The following EYA4 variants were observed in gnomAD, a reference collection of about 807,000 sequenced individuals.
The protein encoded by EYA4 is protein phosphatase EYA4.
In EYA4, 31 loss-of-function variants were observed where a neutral mutation model predicts 87.9. That is an observed-to-expected ratio of 0.35 (90% CI 0.27 to 0.48). EYA4 has a LOEUF of 0.48. Ranked by LOEUF, EYA4 falls within the 20% of genes least tolerant of loss-of-function variation. The probability of loss-of-function intolerance (pLI) is 0.99; values close to 1 mark genes in which losing one functional copy is unlikely to be tolerated. For missense variants in EYA4, 678 were observed against 761.4 expected (o/e 0.89, Z 1.29); for synonymous variants, 263 against 270.6 (o/e 0.97, Z 0.28).
chr6:133,246,005 C>G (rs1286789298), intron 1 of EYA4, among the ~76,000 whole-genome samples: 1 of 152,196 alleles, frequency 6.6e-6, no homozygotes, highest in Non-Finnish European at 1.5e-5. Flanking sequence ...TCTTACTCCC[C>G]TAACCCCTTT....
intron 3 of EYA4, among the ~76,000 whole-genome samples, chr6:133,400,547 C>T (rs1287545021): frequency 6.6e-6 from 1 of 151,388 alleles, no homozygotes; most frequent in Non-Finnish European, 1.5e-5. Flanking sequence ...GCTTATATTG[C>T]AAGCCGCTTT....
intron 13 of EYA4, among the ~76,000 whole-genome samples, chr6:133,499,979 A>G (rs1447650665): frequency 6.6e-6 from 1 of 151,350 alleles, no homozygotes; most frequent in Non-Finnish European, 1.5e-5. Flanking sequence ...ATAGACCAGT[A>G]TTTATTCAAA....
At chr6:133,447,050 T>C (rs2128623674) in intron 4 of EYA4, among the ~76,000 whole-genome samples, 1 of 152,344 alleles carries the variant, frequency 6.6e-6, no homozygotes, top group African/African-American at 2.4e-5. Flanking sequence ...ACTTTAGAAA[T>C]TGAGGTCAAA....
intron 3 of EYA4, among the ~76,000 whole-genome samples, chr6:133,429,569 C>G (rs1164362331): frequency 6.6e-6 from 1 of 151,926 alleles, no homozygotes; most frequent in African/African-American, 2.4e-5. Context: ...AGTCTAGTTT[C>G]AAGATTCTGA....
At chr6:133,425,309 T>C (rs1426240535) in intron 3 of EYA4, among the ~76,000 whole-genome samples, 6 of 150,686 alleles carry the variant, frequency 4.0e-5, no homozygotes, top group Non-Finnish European at 7.3e-5. Flanking sequence ...AGACATGTTT[T>C]GGCAAAATCT....
rs763594518 is a variant in EYA4, at chr6:133,280,690, C to T, written c.33+5877C>T. ...GATTACAGGTGTGAGCCACCGCGCC[C>T]GGCCAATAGTAGTTTTATTGAGATG... On this transcript the variant is annotated intron_variant, in intron 2 of 19. Transcript: ENST00000355286. Among the ~76,000 whole-genome samples, 22 of 152,238 alleles carry T rather than the reference C, an allele frequency of 1.4e-4. No individual in the cohort carries two copies. In the Middle Eastern group the frequency reaches 0.014, roughly 94 times the overall value.
intron 2 of EYA4, among the ~76,000 whole-genome samples, chr6:133,328,867 G>T (rs1781704690): frequency 6.6e-6 from 1 of 152,098 alleles, no homozygotes; most frequent in East Asian, 1.9e-4. Flanking sequence ...TATAAAAATG[G>T]TACTGGATAT....
chr6:133,432,524 A>G (rs1349838730), intron 3 of EYA4, among the ~76,000 whole-genome samples: 1 of 149,844 alleles, frequency 6.7e-6, no homozygotes, highest in Non-Finnish European at 1.5e-5. Context: ...ATCATGTTAT[A>G]GTATCAAAAG....
At position 133,385,391 on chromosome 6, in the gene EYA4, C is replaced by CTGTGTGTGTGTGTG. The variant is rs66881281; in HGVS notation, c.83+2987_83+3000dup. Among the ~76,000 whole-genome samples the CTGTGTGTGTGTGTG allele has an allele frequency of 8.7e-5, 10 of 115,342 alleles. No individual in the cohort carries two copies. In the South Asian group the frequency reaches 1.9e-3, roughly 22 times the overall value. The allele number at this position is 115,342 out of a possible 152,430, so 75.7% of individuals were successfully genotyped here. ...CTCTGTGTGTGTATGTATGCTCTCT[C>CTGTGTGTGTGTGTG]TGTGTGTGTGTGTGTGTGTGTGTGT... On this transcript the variant is annotated intron_variant, in intron 3 of 19. Transcript: ENST00000355286.
intron 3 of EYA4, among the ~76,000 whole-genome samples, chr6:133,402,394 T>C (rs1030875274): frequency 6.6e-6 from 1 of 152,242 alleles, no homozygotes; most frequent in African/African-American, 2.4e-5. Flanking sequence ...CTCTTCGTTA[T>C]TTATTCATTG....
At chr6:133,395,495 C>T (rs1025721316) in intron 3 of EYA4, among the ~76,000 whole-genome samples, 3 of 152,148 alleles carry the variant, frequency 2.0e-5, no homozygotes, top group African/African-American at 4.8e-5. Context: ...TGTGGTGGCT[C>T]CCGCCTGTAA....
intron 7 of EYA4, 128 bp from the exon 8 acceptor site, chr6:133,462,207 A>G (rs1326303496): frequency 5.4e-6 from 6 of 1,119,092 alleles, no homozygotes; most frequent in South Asian, 1.3e-5. Flanking sequence ...TTTTTCCTAT[A>G]TTGTTAAAAT....
At chr6:133,336,940 A>G (rs1448555231) in intron 2 of EYA4, among the ~76,000 whole-genome samples, 1 of 150,504 alleles carries the variant, frequency 6.6e-6, no homozygotes. Context: ...TACTTGCTTC[A>G]CCCTATGCAT....
rs185247039 is a variant in EYA4, at chr6:133,482,047, C to T, written c.1107+448C>T. On this transcript the variant is annotated intron_variant, in intron 12 of 19. Transcript: ENST00000355286. ...CTAAAAATAGGACAAGTTTCAATCA[C>T]TTAATAGTATGTGTTAAAATCTGAA... Among the ~76,000 whole-genome samples the T allele has an allele frequency of 2.3e-3, 356 of 152,242 alleles. 1 individual carries two copies. The highest frequency in any genetic ancestry group is 3.9e-3 in the Non-Finnish European group (267 of 68,016).
chr6:133,362,263 G>A (rs1784503517), intron 2 of EYA4, among the ~76,000 whole-genome samples: 2 of 152,156 alleles, frequency 1.3e-5, no homozygotes, highest in Admixed American at 1.3e-4. Context: ...CTATAAGGGA[G>A]CTTTGGTTAC....
In EYA4 at chr6:133,391,943, C is replaced by CT. The variant is rs548717183; in HGVS notation, c.83+9505dup. Among the ~76,000 whole-genome samples, 76 of 152,294 alleles carry CT rather than the reference C, an allele frequency of 5.0e-4. 2 individuals are homozygous for CT. The South Asian group carries it at 0.016, about 31-fold the overall frequency. ...AAGGAAATTGAAAATGCACTCCCCC[C>CT]TTTCCTAATTAGAGACAACTCAATG... On this transcript the variant is annotated intron_variant, in intron 3 of 19. Transcript: ENST00000355286.
intron 2 of EYA4, among the ~76,000 whole-genome samples, chr6:133,338,068 T>C (rs966143211): frequency 1.6e-4 from 25 of 152,188 alleles, no homozygotes; most frequent in Non-Finnish European, 3.2e-4. Flanking sequence ...TCTCCAACTT[T>C]TTATTGTAAA....
At chr6:133,371,609 T>C (rs1481462470) in intron 2 of EYA4, among the ~76,000 whole-genome samples, 1 of 152,186 alleles carries the variant, frequency 6.6e-6, no homozygotes, top group East Asian at 1.9e-4. Flanking sequence ...TTGGTTTTTC[T>C]CTTTTCTTCT....
At chr6:133,460,333 T>A (rs990207071) in intron 6 of EYA4, among the ~76,000 whole-genome samples, 1 of 149,632 alleles carries the variant, frequency 6.7e-6, no homozygotes, top group Non-Finnish European at 1.5e-5. Context: ...GCAAAACATC[T>A]GTCTTAGTCA....
Sources: gnomAD v4.1 joint callset for allele counts (sites outside exome capture counted in the v4.1 genomes callset) on GRCh38, gnomAD v4.1.1 for gene constraint, MANE v1.5 for transcripts, NCBI Gene and HGNC (gene_info 2026-07-23, HGNC 2026-07-21) for gene names.